NTN4: variants seen among roughly 807,000 people sequenced by gnomAD.
NTN4 encodes the protein netrin 4, also known as netrin-4.
In NTN4, 32 loss-of-function variants were observed where a neutral mutation model predicts 73.6. The ratio of observed to expected loss-of-function variants is 0.44; its 90% CI spans 0.33 to 0.58. The LOEUF (loss-of-function observed/expected upper bound fraction) is 0.58. NTN4 is among the 20% of genes least tolerant of loss of function. The probability of loss-of-function intolerance (pLI) is 0.04; values close to 1 mark genes in which losing one functional copy is unlikely to be tolerated. For synonymous variants in NTN4, 258 were observed against 287.5 expected (o/e 0.90, Z 1.04); for missense variants, 654 against 798.3 (o/e 0.82, Z 2.18).
chr12:95,724,284 T>C (rs1327673766), intron 3 of NTN4, among the ~76,000 whole-genome samples: 2 of 152,242 alleles, frequency 1.3e-5, no homozygotes, highest in Non-Finnish European at 2.9e-5. Context: ...GATCATACTG[T>C]TACCAATTAT....
intron 2 of NTN4, among the ~76,000 whole-genome samples, chr12:95,766,494 T>A (rs1452965130): frequency 6.6e-6 from 1 of 152,194 alleles, no homozygotes; most frequent in Non-Finnish European, 1.5e-5. Flanking sequence ...ATACAACAAG[T>A]TTTTTAGAAA....
intron 2 of NTN4, among the ~76,000 whole-genome samples, chr12:95,743,751 C>A (rs2078842644): frequency 6.6e-6 from 1 of 152,126 alleles, no homozygotes; most frequent in South Asian, 2.1e-4. Context: ...TTTTATGACT[C>A]AGTATATGTT....
In NTN4 at chr12:95,725,006, A is replaced by AGGATTTTTTTTTTTTTTTTT. The variant is rs1454896864; in HGVS notation, c.865-11669_865-11668insAAAAAAAAAAAAAAAAATCC. ...ATCTTAGAACAGTGATGTCATCAGG[A>AGGATTTTTTTTTTTTTTTTT]TTTTTTTTTTTTTTTTGCTTCCCAC... On this transcript the variant is annotated intron_variant, in intron 3 of 9. Transcript: ENST00000343702. Among the ~76,000 whole-genome samples the AGGATTTTTTTTTTTTTTTTT allele has an allele frequency of 2.9e-5, 4 of 135,840 alleles. 1 individual carries two copies. The highest frequency in any genetic ancestry group is 3.2e-5 in the Non-Finnish European group (2 of 62,470). 89.1% of individuals were successfully genotyped at this position (135,840 alleles called of 152,430 possible). A position where few individuals can be genotyped will look rare whatever the true frequency, so the allele number is the denominator to read the frequency against.
chr12:95,709,777 C>T (rs2078550013), intron 5 of NTN4, among the ~76,000 whole-genome samples: 1 of 152,186 alleles, frequency 6.6e-6, no homozygotes, highest in Admixed American at 6.5e-5. Flanking sequence ...AAACGATCCG[C>T]CTGCCTTGGC....
intron 3 of NTN4, among the ~76,000 whole-genome samples, chr12:95,719,384 G>A (rs1432566775): frequency 6.6e-6 from 1 of 151,978 alleles, no homozygotes; most frequent in Non-Finnish European, 1.5e-5. Flanking sequence ...CCCCCTTAAC[G>A]ACAGCTGCAG....
At chr12:95,751,278 A>C (rs1433686015) in intron 2 of NTN4, among the ~76,000 whole-genome samples, 1 of 150,540 alleles carries the variant, frequency 6.6e-6, no homozygotes, top group Non-Finnish European at 1.5e-5. Context: ...ACCCCACAAC[A>C]GGATTTAATT....
intron 5 of NTN4, among the ~76,000 whole-genome samples, chr12:95,695,906 C>T (rs1189502917): frequency 1.4e-5 from 2 of 141,908 alleles, no homozygotes; most frequent in Admixed American, 1.5e-4. Context: ...ACCATTCTCT[C>T]CCTTCCTCCC....
intron 5 of NTN4, among the ~76,000 whole-genome samples, chr12:95,702,727 C>G (rs1485906390): frequency 6.6e-6 from 1 of 151,934 alleles, no homozygotes; most frequent in Admixed American, 6.6e-5. Flanking sequence ...CTGATTTTCA[C>G]AGACTTAATG....
intron 3 of NTN4, among the ~76,000 whole-genome samples, chr12:95,730,246 A>G (rs1437919407): frequency 1.3e-5 from 2 of 152,204 alleles, no homozygotes; most frequent in Non-Finnish European, 2.9e-5. Context: ...AAGCATGTTC[A>G]TGAAAAGTTA....
At chr12:95,744,741 C>T (rs2078849172) in intron 2 of NTN4, among the ~76,000 whole-genome samples, 1 of 151,224 alleles carries the variant, frequency 6.6e-6, no homozygotes, top group African/African-American at 2.4e-5. Flanking sequence ...TTTTGATGAT[C>T]TTCATTCCTT....
In NTN4 at chr12:95,790,373, T is replaced by TTCATCCCGCAGCCCAGA; in HGVS notation, c.-65_-64insTCTGGGCTGCGGGATGA. 1 of 1,370,558 alleles carries TTCATCCCGCAGCCCAGA rather than the reference T, an allele frequency of 7.3e-7. No homozygotes were observed. Among genetic ancestry groups the TTCATCCCGCAGCCCAGA allele is most frequent in the Non-Finnish European group, 9.8e-7 (1 of 1,025,092 alleles). 84.9% of individuals were successfully genotyped at this position (1,370,558 alleles called of 1,614,324 possible). On this transcript the variant is annotated 5_prime_UTR_variant, in exon 1 of 10. In the 5' UTR this introduces an upstream ATG that the reference lacks. Coordinates refer to ENST00000343702, the MANE Select transcript of NTN4 (RefSeq NM_021229.4). This position sits in a 1 kb window ranked among gnomAD's most constrained non-coding sequence, Gnocchi z 6.5. ...CCGGAGGGAGCCGAGACCTCTGGGC[T>TTCATCCCGCAGCCCAGA]GCGGGATGAAGCGCCGCCGTCCTCG...
chr12:95,729,628 AGAGAGTGTGTGTGTGTGT>A (rs2078722625), intron 3 of NTN4, among the ~76,000 whole-genome samples: 1 of 102,192 alleles, frequency 9.8e-6, no homozygotes, highest in Non-Finnish European at 2.1e-5. Context: ...AGAGAGAGAG[AGAGAGTGTGTGTGTGTGT>A]GTGTGTGTGT....
chr12:95,728,934 T>C (rs1019231779), intron 3 of NTN4, among the ~76,000 whole-genome samples: 3 of 152,190 alleles, frequency 2.0e-5, no homozygotes, highest in Non-Finnish European at 4.4e-5. Context: ...CTACCCTTGC[T>C]GCTGCTCCTG....
At chr12:95,774,179 T>TC (rs951733157) in intron 2 of NTN4, among the ~76,000 whole-genome samples, 1 of 91,710 alleles carries the variant, frequency 1.1e-5, no homozygotes, top group African/African-American at 3.5e-5. Flanking sequence ...TTCTCTCTTT[T>TC]TTTTTTTAAA....
chr12:95,744,260 T>C (rs1285949337), intron 2 of NTN4, among the ~76,000 whole-genome samples: 1 of 152,200 alleles, frequency 6.6e-6, no homozygotes, highest in Non-Finnish European at 1.5e-5. Context: ...TGTATGTCCC[T>C]TTTTATCCTT....
chr12:95,752,011 C>A (rs1223270863), intron 2 of NTN4, among the ~76,000 whole-genome samples: 3 of 151,360 alleles, frequency 2.0e-5, no homozygotes, highest in African/African-American at 7.3e-5. Context: ...TGCCGCCCTT[C>A]TTCCCAATCC....
chr12:95,755,685 G>T (rs988031627), intron 2 of NTN4, among the ~76,000 whole-genome samples: 1 of 152,212 alleles, frequency 6.6e-6, no homozygotes, highest in Non-Finnish European at 1.5e-5. Flanking sequence ...GAAGAATGCA[G>T]TGCACTCAAG....
intron 3 of NTN4, among the ~76,000 whole-genome samples, chr12:95,729,584 GT>G (rs751893183): frequency 6.6e-6 from 1 of 151,250 alleles, no homozygotes; most frequent in South Asian, 2.1e-4. Context: ...ATGGCTGTGG[GT>G]TTTTTTCCAT....
At chr12:95,784,543 C>A (rs1006579098) in intron 2 of NTN4, among the ~76,000 whole-genome samples, 2 of 151,966 alleles carry the variant, frequency 1.3e-5, no homozygotes, top group Non-Finnish European at 2.9e-5. Flanking sequence ...CCGAGGAGGG[C>A]GGATCACTAG....
Sources: gnomAD v4.1 joint callset for allele counts (sites outside exome capture counted in the v4.1 genomes callset) on GRCh38, gnomAD v4.1.1 for gene constraint, Gnocchi (gnomAD v3.1) non-coding constraint, MANE v1.5 for transcripts, NCBI Gene and HGNC (gene_info 2026-07-23, HGNC 2026-07-21) for gene names.